The following RDH10 variants were observed in gnomAD, a reference collection of about 807,000 sequenced individuals.
RDH10 encodes retinol dehydrogenase 10 (all-trans).
RDH10 carries 12 observed loss-of-function variants against 30.2 expected under a neutral mutation model. The ratio of observed to expected loss-of-function variants is 0.40; its 90% confidence interval spans 0.25 to 0.64. The LOEUF (loss-of-function observed/expected upper bound fraction) is 0.64. Among genes scored for constraint, RDH10 ranks in the 30% least tolerant of loss-of-function variants. The pLI is 0.43. For synonymous variants in RDH10, 189 were observed against 172.2 expected (o/e 1.10, Z -0.76); for missense variants, 268 against 445.2 (o/e 0.60, Z 3.58).
intron 2 of RDH10, among the ~76,000 whole-genome samples, chr8:73,318,640 A>G (rs961583210): frequency 1.2e-4 from 19 of 152,262 alleles, no homozygotes; most frequent in African/African-American, 3.6e-4. Context: ...TGATAGGTCT[A>G]TTACTACGTA....
chr8:73,299,290 C>G (rs1049276998), intron 2 of RDH10, among the ~76,000 whole-genome samples: 1 of 152,172 alleles, frequency 6.6e-6, no homozygotes, highest in Non-Finnish European at 1.5e-5. Flanking sequence ...AAAGTCCTTG[C>G]TGTGGCTGGG....
At chr8:73,307,160 A>G (rs1334437111) in intron 2 of RDH10, among the ~76,000 whole-genome samples, 1 of 152,184 alleles carries the variant, frequency 6.6e-6, no homozygotes. Flanking sequence ...TTTTGCCTAT[A>G]GTAAAATGGG....
At chr8:73,321,922 C>T (rs1424937989) in intron 4 of RDH10, 2 of 456,130 alleles carry the variant, frequency 4.4e-6, no homozygotes, top group East Asian at 1.4e-4. Flanking sequence ...TGGACTCTAG[C>T]TCTGCCTCTT....
intron 2 of RDH10, among the ~76,000 whole-genome samples, chr8:73,318,744 G>A (rs1009444017): frequency 7.9e-5 from 12 of 152,200 alleles, no homozygotes; most frequent in African/African-American, 2.9e-4. Context: ...GAAGTGTCAC[G>A]AGCAGAAACA....
chr8:73,308,018 GTTA>G (rs1021009802), intron 2 of RDH10, among the ~76,000 whole-genome samples: 3 of 152,148 alleles, frequency 2.0e-5, no homozygotes, highest in African/African-American at 7.2e-5. Flanking sequence ...ATTGGAGAGA[GTTA>G]TTATTTCCTT....
chr8:73,299,389 G>C (rs560055964), intron 2 of RDH10, among the ~76,000 whole-genome samples: 127 of 152,280 alleles, frequency 8.3e-4, no homozygotes, highest in Middle Eastern at 6.8e-3. Context: ...AATTTATCAA[G>C]AATCTTGTGT....
chr8:73,321,978 GGTTT>G (rs1374763310), intron 4 of RDH10: 3 of 456,076 alleles, frequency 6.6e-6, no homozygotes, highest in Non-Finnish European at 1.3e-5. Flanking sequence ...GTGTGTTGGT[GGTTT>G]GTTTTGTTTT....
intron 2 of RDH10, 84 bp from the exon 3 acceptor site, chr8:73,319,012 A>T: frequency 1.2e-6 from 1 of 801,494 alleles, no homozygotes; most frequent in Non-Finnish European, 2.1e-6. Flanking sequence ...TCATGTGAAT[A>T]AAAGTTTGTT....
chr8:73,316,515 C>T (rs1049684475), intron 2 of RDH10, among the ~76,000 whole-genome samples: 7 of 152,090 alleles, frequency 4.6e-5, no homozygotes, highest in Non-Finnish European at 8.8e-5. Flanking sequence ...GTTTTTACTA[C>T]TACAAAGAAA....
intron 2 of RDH10, chr8:73,297,890 G>A: frequency 5.2e-6 from 1 of 193,628 alleles, no homozygotes; most frequent in Non-Finnish European, 1.1e-5. Context: ...CACCCTGGCA[G>A]TTACTTCGCA....
chr8:73,316,496 A>T (rs904063722), intron 2 of RDH10, among the ~76,000 whole-genome samples: 2 of 152,098 alleles, frequency 1.3e-5, no homozygotes, highest in African/African-American at 4.8e-5. Context: ...TGTCATAATT[A>T]CTCTTTCTGT....
rs148251555 is a variant in RDH10 at position 73,297,611 on chromosome 8, A to AC, written c.525+189dup. Reference sequence around the variant, plus strand: ...ACTGTTAGTCGTTTTGTCCCCGCCCACCCCCCCGCCACCCCTAACTCAGTA... The same window carrying AC: ...ACTGTTAGTCGTTTTGTCCCCGCCCACCCCCCCCGCCACCCCTAACTCAGTA... On this transcript the variant is annotated intron_variant, in intron 2 of 5. Transcript: ENST00000240285. 145 of 452,412 alleles carry AC rather than the reference A, an allele frequency of 3.2e-4. No homozygotes were observed. In the East Asian group the frequency reaches 3.5e-3, roughly 11 times the overall value. 28.0% of individuals were successfully genotyped at this position (452,412 alleles called of 1,614,324 possible).
chr8:73,299,060 C>T (rs1586186826), intron 2 of RDH10, among the ~76,000 whole-genome samples: 1 of 152,164 alleles, frequency 6.6e-6, no homozygotes, highest in Non-Finnish European at 1.5e-5. Flanking sequence ...GTGATCCGCC[C>T]GCCTCAGTGT....
intron 3 of RDH10, among the ~76,000 whole-genome samples, chr8:73,320,505 C>G (rs1192722525): frequency 6.8e-6 from 1 of 147,464 alleles, no homozygotes; most frequent in Non-Finnish European, 1.5e-5. Flanking sequence ...GAGTCTCACT[C>G]TGTCACCCAG....
In RDH10 at chr8:73,314,449, T is replaced by C. The variant is rs539660799; in HGVS notation, c.526-4647T>C. Among the ~76,000 whole-genome samples the C allele has an allele frequency of 2.0e-5, 3 of 152,322 alleles. No homozygotes were observed. The South Asian group carries it at 6.2e-4, about 32-fold the overall frequency. On this transcript the variant is annotated intron_variant, in intron 2 of 5. Transcript: ENST00000240285. Reference sequence around the variant, plus strand: ...TGCGCCCCAGACATAAGGCAGGAGTTTGGAGTAATTGCTCGCCTCTATTCA... The same window carrying C: ...TGCGCCCCAGACATAAGGCAGGAGTCTGGAGTAATTGCTCGCCTCTATTCA...
At chr8:73,299,866 A>G (rs1381246202) in intron 2 of RDH10, among the ~76,000 whole-genome samples, 1 of 152,260 alleles carries the variant, frequency 6.6e-6, no homozygotes, top group Admixed American at 6.5e-5. Flanking sequence ...TCATAGCCTT[A>G]GCTTTGAAAA....
At chr8:73,320,440 GTTTTTT>G (rs954654905) in intron 3 of RDH10, among the ~76,000 whole-genome samples, 17 of 140,788 alleles carry the variant, frequency 1.2e-4, no homozygotes, top group East Asian at 2.1e-4. Context: ...TCTGGTTTGT[GTTTTTT>G]TTTTGTTTTT....
intron 2 of RDH10, chr8:73,315,379 G>C (rs533145062): frequency 1.2e-5 from 3 of 242,250 alleles, no homozygotes; most frequent in Non-Finnish European, 2.6e-5. Flanking sequence ...GTGTCCCCAC[G>C]TCACATTTTT....
At position 73,295,224 on chromosome 8, in the gene RDH10, C is replaced by A; in HGVS notation, c.-66C>A. The A allele has an allele frequency of 1.4e-6, 2 of 1,410,018 alleles. No individual in the cohort carries two copies. The highest frequency in any genetic ancestry group is 1.9e-6 in the Non-Finnish European group (2 of 1,069,734). The allele number at this position is 1,410,018 out of a possible 1,614,324, so 87.3% of individuals were successfully genotyped here. ...GACAAGCGCCCCGGAGCCGGGAGCC[C>A]GATTGCCGGGCTCGGGGTGGGCGCG... On this transcript the variant is annotated 5_prime_UTR_variant, in exon 1 of 6. Coordinates refer to ENST00000240285, the MANE Select transcript of RDH10 (RefSeq NM_172037.5).
Sources: gnomAD v4.1 joint callset for allele counts (sites outside exome capture counted in the v4.1 genomes callset) on GRCh38, gnomAD v4.1.1 for gene constraint, MANE v1.5 for transcripts, NCBI Gene and HGNC (gene_info 2026-07-23, HGNC 2026-07-21) for gene names.